NCKAP5: variants seen among roughly 807,000 people sequenced by gnomAD.
NCKAP5 encodes NCK associated protein 5, also known as nck-associated protein 5.
In NCKAP5, 92 loss-of-function variants were observed where a neutral mutation model predicts 167.0. That is an observed-to-expected ratio of 0.55 (90% confidence interval 0.47 to 0.66). NCKAP5 has a LOEUF of 0.66. Ranked by LOEUF, NCKAP5 falls within the 30% of genes least tolerant of loss-of-function variation. The pLI, the probability that NCKAP5 is intolerant of heterozygous loss-of-function variation, is 0.00. For synonymous variants in NCKAP5, 891 were observed against 877.4 expected, an observed-to-expected ratio of 1.02 and a Z score of -0.27; for missense variants, 2,378 against 2,315.0, an observed-to-expected ratio of 1.03 and a Z score of -0.56.
chr2:132,703,421 T>C lies in NCKAP5; in HGVS notation c.5713+22206A>G, dbSNP rs190677245. Among the ~76,000 whole-genome samples, 1,161 of 152,308 alleles carry C rather than the reference T, an allele frequency of 7.6e-3. 11 individuals are homozygous for C. The highest frequency in any genetic ancestry group is 0.01 in the Admixed American group (159 of 15,296). The stretch of plus-strand genomic sequence containing the variant: ...TATTACTTCATGTTAGATTTTAATT[T>C]TGACTGAAAGTTGTATTATTGCCTG... On this transcript the variant is annotated intron_variant, in intron 19 of 19. Transcript: ENST00000409261.
At chr2:132,981,707 C>T (rs998625188) in intron 7 of NCKAP5, among the ~76,000 whole-genome samples, 16 of 152,156 alleles carry the variant, frequency 1.1e-4, no homozygotes, top group Admixed American at 9.8e-4. Context: ...CCTTCGAATA[C>T]TATGTCCTAA....
At chr2:133,196,361 A>C (rs2150102109) in intron 5 of NCKAP5, among the ~76,000 whole-genome samples, 1 of 152,296 alleles carries the variant, frequency 6.6e-6, no homozygotes, top group African/African-American at 2.4e-5. Flanking sequence ...GGGAGAGCTA[A>C]GAGAGAATTA....
At chr2:133,431,288 T>G (rs1191949193) in intron 3 of NCKAP5, among the ~76,000 whole-genome samples, 1 of 152,180 alleles carries the variant, frequency 6.6e-6, no homozygotes, top group African/African-American at 2.4e-5. Context: ...ATACTCTCCA[T>G]GTTTTATATA....
At chr2:132,745,417 A>G (rs1679555306) in intron 16 of NCKAP5, among the ~76,000 whole-genome samples, 1 of 151,776 alleles carries the variant, frequency 6.6e-6, no homozygotes, top group African/African-American at 2.4e-5. Context: ...AGACACAGCA[A>G]ACTAGGAATA....
At chr2:133,166,328 T>C (rs562385821) in intron 5 of NCKAP5, among the ~76,000 whole-genome samples, 2 of 152,256 alleles carry the variant, frequency 1.3e-5, no homozygotes, top group Non-Finnish European at 2.9e-5. Flanking sequence ...ATAATTTACA[T>C]ACAATTTTAT....
chr2:133,600,041 G>C, the NCKAP5 span, among the ~76,000 whole-genome samples: 1 of 152,224 alleles, frequency 6.6e-6, no homozygotes, highest in East Asian at 1.9e-4. Context: ...AATGTCGCCA[G>C]GTTTGCCTAC....
intron 4 of NCKAP5, among the ~76,000 whole-genome samples, chr2:133,235,982 G>T (rs1050150272): frequency 5.5e-5 from 8 of 144,842 alleles, no homozygotes; most frequent in Non-Finnish European, 1.0e-4. Context: ...CTGGAAGATT[G>T]CTTGAGCTGG....
the NCKAP5 span, among the ~76,000 whole-genome samples, chr2:133,597,979 T>C: frequency 0.048 from 7,384 of 152,254 alleles, 262 homozygotes; most frequent in Non-Finnish European, 0.081. Context: ...TGGGTATGAA[T>C]ACCCACCTGG....
chr2:133,126,955 T>C (rs2082423092), intron 6 of NCKAP5, among the ~76,000 whole-genome samples: 1 of 152,192 alleles, frequency 6.6e-6, no homozygotes, highest in Non-Finnish European at 1.5e-5. Flanking sequence ...AAAGTGGTTA[T>C]TAGCTTAGTT....
chr2:133,294,522 GA>G (rs1365768738), intron 4 of NCKAP5, among the ~76,000 whole-genome samples: 8 of 152,114 alleles, frequency 5.3e-5, no homozygotes, highest in African/African-American at 1.7e-4. Context: ...CTTCCTCAAG[GA>G]TAGAATAATG....
At chr2:133,334,138 T>A (rs1683057693) in intron 3 of NCKAP5, among the ~76,000 whole-genome samples, 1 of 152,188 alleles carries the variant, frequency 6.6e-6, no homozygotes, top group South Asian at 2.1e-4. Context: ...CTTGCTTGGA[T>A]TCAAAGCCTG....
chr2:133,176,726 A>T (rs2084476691), intron 5 of NCKAP5, among the ~76,000 whole-genome samples: 1 of 152,190 alleles, frequency 6.6e-6, no homozygotes. Flanking sequence ...AATATCATCT[A>T]TATCTATATG....
At chr2:133,188,440 G>T (rs546999784) in intron 5 of NCKAP5, among the ~76,000 whole-genome samples, 1 of 151,942 alleles carries the variant, frequency 6.6e-6, no homozygotes, top group South Asian at 2.1e-4. Context: ...CGACCTAATA[G>T]ACACCTACAG....
chr2:133,601,749 A>T, the NCKAP5 span, among the ~76,000 whole-genome samples: 10 of 152,070 alleles, frequency 6.6e-5, no homozygotes, highest in South Asian at 4.1e-4. Flanking sequence ...AATAAATAAT[A>T]AATAAATAAA....
intron 6 of NCKAP5, among the ~76,000 whole-genome samples, chr2:133,095,937 G>C (rs959372135): frequency 6.6e-6 from 1 of 151,974 alleles, no homozygotes; most frequent in Non-Finnish European, 1.5e-5. Context: ...TTGTACACAC[G>C]GTGGACACAT....
the NCKAP5 span, among the ~76,000 whole-genome samples, chr2:133,603,295 C>G: frequency 0.018 from 2,727 of 148,858 alleles, 109 homozygotes; most frequent in African/African-American, 0.065. Context: ...GGCGCAATCT[C>G]AAATCACTGC....
the NCKAP5 span, among the ~76,000 whole-genome samples, chr2:133,589,906 AG>A: frequency 6.6e-6 from 1 of 152,388 alleles, no homozygotes. Context: ...GCTAAGGCAA[AG>A]TTGGTTGACT....
At chr2:133,165,211 A>G (rs571176322) in intron 5 of NCKAP5, among the ~76,000 whole-genome samples, 2 of 152,312 alleles carry the variant, frequency 1.3e-5, no homozygotes, top group African/African-American at 2.4e-5. Flanking sequence ...GTCAAGGGAG[A>G]TAAACCCTGA....
intron 6 of NCKAP5, among the ~76,000 whole-genome samples, chr2:132,996,391 A>G (rs974142481): frequency 2.0e-5 from 3 of 152,226 alleles, no homozygotes; most frequent in African/African-American, 7.2e-5. Context: ...CAAAGTAAAG[A>G]GTAAAGGAAA....
Sources: allele counts gnomAD v4.1 joint callset (sites outside exome capture counted in the v4.1 genomes callset), GRCh38; gene constraint gnomAD v4.1.1; transcripts MANE v1.5; gene names NCBI Gene and HGNC (gene_info 2026-07-23, HGNC 2026-07-21).